The following DOCK4 variants were observed in gnomAD, a reference collection of about 807,000 sequenced individuals.
DOCK4 encodes the protein dedicator of cytokinesis protein 4.
In DOCK4, 97 loss-of-function variants were observed where a neutral mutation model predicts 268.1. The ratio of observed to expected loss-of-function variants is 0.36; its 90% CI spans 0.31 to 0.43. DOCK4 has a LOEUF of 0.43. Among genes scored for constraint, DOCK4 ranks in the 20% least tolerant of loss-of-function variants. The probability of loss-of-function intolerance (pLI) is 1.00; values close to 1 mark genes in which losing one functional copy is unlikely to be tolerated. For missense variants in DOCK4, 2,145 were observed against 2,455.7 expected (o/e 0.87, Z 2.67); for synonymous variants, 954 against 887.2 (o/e 1.08, Z -1.34).
At chr7:112,124,532 C>T (rs1002190871) in intron 1 of DOCK4, among the ~76,000 whole-genome samples, 3 of 152,182 alleles carry the variant, frequency 2.0e-5, no homozygotes, top group African/African-American at 7.2e-5. Flanking sequence ...TCTCCTTCCT[C>T]CAGTGTAATA....
chr7:111,872,398 T>A (rs959401958), intron 18 of DOCK4, 46 bp from the exon 19 acceptor site: 2 of 1,527,002 alleles, frequency 1.3e-6, no homozygotes, highest in Non-Finnish European at 1.8e-6. Flanking sequence ...ATACTATCTG[T>A]CTTTTTCCTC....
chr7:111,985,178 C>T (rs1027988453), intron 6 of DOCK4, among the ~76,000 whole-genome samples: 1 of 152,152 alleles, frequency 6.6e-6, no homozygotes, highest in Non-Finnish European at 1.5e-5. Flanking sequence ...ATGATCCCCT[C>T]CAGGGCACCC....
At chr7:112,003,353 A>C (rs536244434) in intron 2 of DOCK4, among the ~76,000 whole-genome samples, 1 of 152,296 alleles carries the variant, frequency 6.6e-6, no homozygotes, top group East Asian at 1.9e-4. Flanking sequence ...ATGCCACTGC[A>C]CTCCTACCTG....
intron 21 of DOCK4, among the ~76,000 whole-genome samples, chr7:111,868,662 A>G (rs1247458539): frequency 6.6e-6 from 1 of 152,022 alleles, no homozygotes; most frequent in African/African-American, 2.4e-5. Context: ...GTGAGCAGAG[A>G]ATGCACCATT....
chr7:112,042,334 G>A (rs115111388), intron 1 of DOCK4, among the ~76,000 whole-genome samples: 1 of 152,300 alleles, frequency 6.6e-6, no homozygotes, highest in African/African-American at 2.4e-5. Context: ...CCAAGCTCAT[G>A]TCTTATCTGC....
intron 1 of DOCK4, among the ~76,000 whole-genome samples, chr7:112,129,127 C>G (rs796951949): frequency 6.6e-6 from 1 of 152,156 alleles, no homozygotes. Flanking sequence ...TTTATTTTTA[C>G]AGTCCCAAAC....
At chr7:111,934,533 T>G (rs1461057131) in intron 12 of DOCK4, among the ~76,000 whole-genome samples, 12 of 141,504 alleles carry the variant, frequency 8.5e-5, no homozygotes, top group Admixed American at 2.1e-4. Context: ...GTTTTTTTTT[T>G]TTTTTTTTTT....
At chr7:112,063,416 G>C (rs1434824622) in intron 1 of DOCK4, among the ~76,000 whole-genome samples, 1 of 152,148 alleles carries the variant, frequency 6.6e-6, no homozygotes, top group East Asian at 1.9e-4. Flanking sequence ...TTAACCTACT[G>C]AACATCATAG....
rs771656714 is a variant in DOCK4 at position 111,747,399 on chromosome 7, A to G, written c.4461T>C (p.Asn1487=). The G allele has an allele frequency of 3.6e-5, 58 of 1,610,770 alleles. 1 individual carries two copies. In the Admixed American group the frequency reaches 9.7e-4, roughly 27 times the overall value. ...PLENAIEVLE[N]KNQQLKTLIS... ...TCAGAGTCTTCAGCTGCTGATTCTT[A>G]TTTTCTAGCACTTCAATTGCATTTT... Residue 1487 remains asparagine (N), a synonymous_variant, in exon 43 of 53, where the codon AAT becomes AAC. Transcript: ENST00000428084.
chr7:111,742,318 G>C (rs935404717), intron 44 of DOCK4, among the ~76,000 whole-genome samples, 186 bp from the exon 45 acceptor site: 2 of 152,180 alleles, frequency 1.3e-5, no homozygotes, highest in African/African-American at 2.4e-5. Context: ...ATCCTGCATG[G>C]ATAAAAGACA....
chr7:111,989,133 A>G lies in DOCK4; in HGVS notation c.346T>C (p.Trp116Arg). The G allele has an allele frequency of 6.2e-7, 1 of 1,614,034 alleles. No homozygotes were observed. Among genetic ancestry groups the G allele is most frequent in the Non-Finnish European group, 8.5e-7 (1 of 1,179,880 alleles). ...TCCAGGATTTCATTCATGATGTGCC[A>G]CAGCCGGTGGAAGAGATCGCCTTCA... Reference protein sequence around the residue: ...RNEGDLFHRLWHIMNEILDLR... With the variant: ...RNEGDLFHRLRHIMNEILDLR... The change falls in exon 6 of 53, where the codon TGG (tryptophan) becomes CGG (arginine). Residue 116 changes from tryptophan (W) to arginine (R), a missense_variant. Trp to Arg is a moderately radical substitution (Grantham distance 101). This residue lies in a region of DOCK4 where 1,598 missense variants were observed against 1,986.7 expected (regional missense o/e 0.80). Transcript: ENST00000428084.
At chr7:111,962,777 G>A (rs1797030894) in intron 8 of DOCK4, among the ~76,000 whole-genome samples, 1 of 152,190 alleles carries the variant, frequency 6.6e-6, no homozygotes, top group Non-Finnish European at 1.5e-5. Flanking sequence ...CAAGAAAAAT[G>A]GAGTTTAATG....
chr7:112,047,495 G>A (rs1804929647), intron 1 of DOCK4, among the ~76,000 whole-genome samples: 1 of 152,008 alleles, frequency 6.6e-6, no homozygotes, highest in African/African-American at 2.4e-5. Flanking sequence ...AAAATTTAAT[G>A]GAGACATTAA....
chr7:112,180,011 G>A (rs145532984), intron 1 of DOCK4, among the ~76,000 whole-genome samples: 5 of 152,058 alleles, frequency 3.3e-5, no homozygotes, highest in South Asian at 2.1e-4. Flanking sequence ...TTATTCTGCC[G>A]GATACTAAGT....
intron 1 of DOCK4, among the ~76,000 whole-genome samples, chr7:112,108,479 A>G (rs2115628698): frequency 6.6e-6 from 1 of 152,348 alleles, no homozygotes; most frequent in African/African-American, 2.4e-5. Context: ...AATAAACAAG[A>G]GAGTGTAATA....
At chr7:112,067,526 A>G (rs1586754911) in intron 1 of DOCK4, among the ~76,000 whole-genome samples, 1 of 152,186 alleles carries the variant, frequency 6.6e-6, no homozygotes, top group East Asian at 1.9e-4. Context: ...AAGATGAAGT[A>G]TTTTACATTC....
At chr7:111,767,459 C>T (rs1025320089) in intron 37 of DOCK4, among the ~76,000 whole-genome samples, 1 of 151,864 alleles carries the variant, frequency 6.6e-6, no homozygotes, top group Non-Finnish European at 1.5e-5. Flanking sequence ...TCTCCTGACC[C>T]CATGATCCAC....
At chr7:111,985,103 CCAT>C (rs59252295) in intron 6 of DOCK4, among the ~76,000 whole-genome samples, 10,334 of 152,122 alleles carry the variant, frequency 0.068, 425 homozygotes, top group East Asian at 0.24. Context: ...TGATGTCTTC[CCAT>C]CAACAGAGGA....
Position 111,877,190 on chromosome 7 carries a change from T to C in DOCK4, c.1588-4A>G. On this transcript the variant is annotated splice_region_variant and splice_polypyrimidine_tract_variant and intron_variant, in intron 16 of 52. Transcript: ENST00000428084. ...GAAGATTTGTGTTTTCTTCACACTG[T>C]TAAAAATATTTAAAAAAACATAAGG... The C allele has an allele frequency of 1.4e-6, 2 of 1,445,582 alleles. No individual in the cohort carries two copies. Among genetic ancestry groups the C allele is most frequent in the Non-Finnish European group, 1.8e-6 (2 of 1,092,280 alleles). 89.5% of individuals were successfully genotyped at this position (1,445,582 alleles called of 1,614,324 possible).
Sources: allele counts gnomAD v4.1 joint callset (sites outside exome capture counted in the v4.1 genomes callset), GRCh38; gene constraint gnomAD v4.1.1; regional missense constraint gnomAD v4.1.1; transcripts MANE v1.5; gene names NCBI Gene and HGNC (gene_info 2026-07-23, HGNC 2026-07-21).